NRG3: variants seen among roughly 807,000 people sequenced by gnomAD.
NRG3 encodes the protein neuregulin 3.
Under a neutral mutation model 66.9 loss-of-function variants are expected in NRG3, and 31 were observed. That is an observed-to-expected ratio of 0.46 (90% confidence interval 0.35 to 0.63). NRG3 has a LOEUF of 0.63. Ranked by LOEUF, NRG3 falls within the 20% of genes least tolerant of loss-of-function variation. NRG3 has a pLI of 0.00. For missense variants in NRG3, 910 were observed against 878.9 expected, an observed-to-expected ratio of 1.04 and a Z score of -0.45; for synonymous variants, 393 against 359.4, an observed-to-expected ratio of 1.09 and a Z score of -1.06.
intron 1 of NRG3, among the ~76,000 whole-genome samples, chr10:82,122,178 C>G (rs75983353): frequency 0.017 from 2,628 of 152,222 alleles, 83 homozygotes; most frequent in African/African-American, 0.059. Flanking sequence ...AGTGCTCTAT[C>G]CCTTTATGTT....
intron 2 of NRG3, among the ~76,000 whole-genome samples, chr10:82,563,314 A>G (rs2045178060): frequency 6.6e-6 from 1 of 152,126 alleles, no homozygotes; most frequent in African/African-American, 2.4e-5. Context: ...AATAGTGTTG[A>G]CATATTTTCC....
At chr10:82,250,814 C>T (rs2077451090) in intron 1 of NRG3, among the ~76,000 whole-genome samples, 2 of 152,200 alleles carry the variant, frequency 1.3e-5, no homozygotes, top group Admixed American at 1.3e-4. Context: ...TAGCTCCTTG[C>T]CTGGTGCCTG....
chr10:82,317,586 C>G (rs982702920), intron 1 of NRG3, among the ~76,000 whole-genome samples: 2 of 152,146 alleles, frequency 1.3e-5, no homozygotes, highest in African/African-American at 4.8e-5. Context: ...CAATTTTCTC[C>G]TAAGTCACCT....
intron 2 of NRG3, among the ~76,000 whole-genome samples, chr10:82,502,690 C>T (rs1168791091): frequency 6.6e-6 from 1 of 152,088 alleles, no homozygotes; most frequent in Non-Finnish European, 1.5e-5. Flanking sequence ...CCTCAGTTTC[C>T]TCCTATATTA....
rs1337882380 is a variant in NRG3, at chr10:82,978,991, T to C, written c.1454T>C (p.Met485Thr). The C allele has an allele frequency of 6.2e-7, 1 of 1,614,052 alleles. No individual in the cohort carries two copies. Among genetic ancestry groups the C allele is most frequent in the South Asian group, 1.1e-5 (1 of 91,082 alleles). Reference protein sequence around the residue: ...SCCSPGQRSGMLHRNAFRRTP... With the variant: ...SCCSPGQRSGTLHRNAFRRTP... ...TGCAGCCCAGGGCAAAGAAGTGGCATGCTCCATAGGAATGCCTTCAGAAGG... is the reference window on the plus strand; with the variant it reads ...TGCAGCCCAGGGCAAAGAAGTGGCACGCTCCATAGGAATGCCTTCAGAAGG... The change falls in exon 8 of 9, where the codon ATG (methionine) becomes ACG (threonine). Residue 485 changes from methionine (M) to threonine (T), a missense_variant. Met to Thr is a moderately conservative substitution (Grantham distance 81). Coordinates refer to ENST00000372141, the MANE Select transcript of NRG3 (RefSeq NM_001010848.4).
chr10:82,718,931 C>T (rs2057133059), intron 2 of NRG3, among the ~76,000 whole-genome samples: 1 of 152,116 alleles, frequency 6.6e-6, no homozygotes, highest in Admixed American at 6.6e-5. Flanking sequence ...AATAAATCCC[C>T]CAGAAACCTT....
At chr10:82,862,405 C>T (rs2064177505) in intron 3 of NRG3, among the ~76,000 whole-genome samples, 2 of 152,184 alleles carry the variant, frequency 1.3e-5, no homozygotes, top group East Asian at 3.9e-4. Flanking sequence ...TAATATTTTT[C>T]TCATTTTAAT....
intron 3 of NRG3, among the ~76,000 whole-genome samples, chr10:82,826,045 A>T (rs1452682430): frequency 1.3e-5 from 2 of 152,162 alleles, no homozygotes; most frequent in Non-Finnish European, 2.9e-5. Flanking sequence ...TTATGCTCAG[A>T]AGTTCTAAAG....
At chr10:82,491,040 C>G (rs1040385713) in intron 2 of NRG3, among the ~76,000 whole-genome samples, 1 of 151,604 alleles carries the variant, frequency 6.6e-6, no homozygotes. Context: ...TTACAATGGT[C>G]TTCTTCTGAG....
chr10:82,918,818 T>C (rs1430154976), intron 4 of NRG3, among the ~76,000 whole-genome samples: 1 of 152,080 alleles, frequency 6.6e-6, no homozygotes, highest in Non-Finnish European at 1.5e-5. Context: ...TGAAGAAAAA[T>C]CTCCCAGTCC....
At chr10:81,925,209 C>G (rs1846650895) in intron 1 of NRG3, among the ~76,000 whole-genome samples, 1 of 152,184 alleles carries the variant, frequency 6.6e-6, no homozygotes, top group Admixed American at 6.5e-5. Context: ...TCTTGACAAG[C>G]ATGCAGCCAT....
At chr10:82,098,758 G>A (rs1258672143) in intron 1 of NRG3, among the ~76,000 whole-genome samples, 2 of 151,876 alleles carry the variant, frequency 1.3e-5, no homozygotes, top group Non-Finnish European at 2.9e-5. Flanking sequence ...TATTTAGATA[G>A]CATCTTTTTT....
chr10:82,394,397 G>A (rs543947262), intron 2 of NRG3, among the ~76,000 whole-genome samples: 56 of 152,312 alleles, frequency 3.7e-4, no homozygotes, highest in Non-Finnish European at 7.3e-4. Flanking sequence ...GGTAGACACA[G>A]GAGGAACAAA....
chr10:82,717,766 T>C (rs1359833949), intron 2 of NRG3, among the ~76,000 whole-genome samples: 1 of 152,120 alleles, frequency 6.6e-6, no homozygotes, highest in Non-Finnish European at 1.5e-5. Context: ...TACAGGAATC[T>C]CTCAACCAAG....
chr10:82,639,397 C>T (rs954642388), intron 2 of NRG3, among the ~76,000 whole-genome samples: 3 of 152,156 alleles, frequency 2.0e-5, no homozygotes, highest in Admixed American at 6.5e-5. Context: ...AATACCACCA[C>T]CTGGGGATTT....
intron 1 of NRG3, among the ~76,000 whole-genome samples, chr10:82,261,100 C>A (rs745879784): frequency 2.0e-5 from 3 of 151,890 alleles, no homozygotes; most frequent in Admixed American, 2.0e-4. Flanking sequence ...TGGCTGTGTC[C>A]CCACCCAAAA....
chr10:82,400,097 A>G (rs747418504), intron 2 of NRG3, among the ~76,000 whole-genome samples: 1 of 152,202 alleles, frequency 6.6e-6, no homozygotes, highest in Non-Finnish European at 1.5e-5. Flanking sequence ...AATCGCTAGA[A>G]AAAGAAAGCA....
At chr10:82,783,959 A>G (rs1437627106) in intron 3 of NRG3, among the ~76,000 whole-genome samples, 1 of 151,764 alleles carries the variant, frequency 6.6e-6, no homozygotes, top group Non-Finnish European at 1.5e-5. Context: ...TTCAAACTAT[A>G]CTACAAGGCT....
chr10:82,651,927 C>CT (rs756583400), intron 2 of NRG3, among the ~76,000 whole-genome samples: 4 of 152,218 alleles, frequency 2.6e-5, no homozygotes, highest in Non-Finnish European at 5.9e-5. Flanking sequence ...CTTCACGGGA[C>CT]TCACAGAGGG....
Sources: gnomAD v4.1 joint callset for allele counts (sites outside exome capture counted in the v4.1 genomes callset) on GRCh38, gnomAD v4.1.1 for gene constraint, MANE v1.5 for transcripts, NCBI Gene and HGNC (gene_info 2026-07-23, HGNC 2026-07-21) for gene names.